DMD: variants seen among roughly 807,000 people sequenced by gnomAD.
The protein encoded by DMD is mutant dystrophin.
In DMD, 63 loss-of-function variants were observed where a neutral mutation model predicts 330.1. That is an observed-to-expected ratio of 0.19 (90% CI 0.16 to 0.24). The LOEUF is 0.24. Among genes scored for constraint, DMD ranks in the 10% least tolerant of loss-of-function variants. DMD has a pLI of 1.00. For missense variants in DMD, 3,344 were observed against 2,684.1 expected, an observed-to-expected ratio of 1.25 and a Z score of -5.43; for synonymous variants, 1,223 against 959.8, an observed-to-expected ratio of 1.27 and a Z score of -5.07.
At chrX:32,913,666 T>C (rs2087506758) in intron 2 of DMD, among the ~76,000 whole-genome samples, 1 of 110,785 alleles carries the variant, frequency 9.0e-6, no homozygotes, top group African/African-American at 3.3e-5. Context: ...TAATGGAGAG[T>C]CTCGGGCATG....
intron 4 of DMD, among the ~76,000 whole-genome samples, chrX:32,840,402 G>A (rs59148540): frequency 0.022 from 2,467 of 111,287 alleles, 71 homozygotes; most frequent in African/African-American, 0.076. Context: ...TATATGGCCC[G>A]TGGAGTTTCG....
chrX:32,100,374 GATATATATATATATATGTAT>G (rs1383956930), intron 44 of DMD, among the ~76,000 whole-genome samples: 1 of 101,157 alleles, frequency 9.9e-6, no homozygotes, highest in Non-Finnish European at 2.0e-5. Flanking sequence ...TATTTTCCCA[GATATATATATATATATGTAT>G]ATATATATAT....
At chrX:32,248,952 A>G (rs1384053401) in intron 43 of DMD, among the ~76,000 whole-genome samples, 1 of 111,488 alleles carries the variant, frequency 9.0e-6, no homozygotes, top group East Asian at 2.8e-4. Flanking sequence ...AAGACAGGAT[A>G]GAAAAGTACT....
At chrX:33,250,323 C>A (rs970119325) in intron 1 of DMD, among the ~76,000 whole-genome samples, 1 of 108,449 alleles carries the variant, frequency 9.2e-6, no homozygotes, top group Admixed American at 1.0e-4. Flanking sequence ...ATATAAGGAG[C>A]CTGCAACTTA....
chrX:31,820,112 A>T lies in DMD; in HGVS notation c.7201-29T>A, dbSNP rs1407364583. 3 of 1,085,421 alleles carry T rather than the reference A, an allele frequency of 2.8e-6. No individual in the cohort carries two copies. In the Admixed American group the frequency reaches 6.5e-5, roughly 24 times the overall value. 89.5% of individuals were successfully genotyped at this position (1,085,421 alleles called of 1,213,427 possible). ...TAACAGAAAAGCATACACATTACTTATTCGATTAACACTTTGAAGATAATT... is the reference window on the plus strand; with the variant it reads ...TAACAGAAAAGCATACACATTACTTTTTCGATTAACACTTTGAAGATAATT... On this transcript the variant is annotated intron_variant, in intron 49 of 78. Coordinates refer to ENST00000357033, the MANE Select transcript of DMD (RefSeq NM_004006.3).
intron 77 of DMD, 129 bp from the exon 78 acceptor site, chrX:31,126,802 G>T: frequency 2.0e-5 from 3 of 152,919 alleles, no homozygotes; most frequent in Non-Finnish European, 3.3e-5. Flanking sequence ...ATTCTCTGCT[G>T]GAAAAAAAAA....
intron 19 of DMD, among the ~76,000 whole-genome samples, chrX:32,498,471 C>T (rs1000852612): frequency 7.3e-5 from 8 of 109,516 alleles, no homozygotes; most frequent in African/African-American, 2.7e-4. Context: ...AGTCTATGAT[C>T]GTGAAAGATC....
At chrX:32,001,836 A>T (rs1161398926) in intron 44 of DMD, among the ~76,000 whole-genome samples, 2 of 111,653 alleles carry the variant, frequency 1.8e-5, no homozygotes, top group East Asian at 5.6e-4. Flanking sequence ...ATTGCACAAA[A>T]GTTGACAGTG....
chrX:31,300,129 C>T (rs919528987), intron 62 of DMD, among the ~76,000 whole-genome samples: 24 of 111,882 alleles, frequency 2.1e-4, no homozygotes, highest in Non-Finnish European at 3.0e-4. Context: ...AAGACTGCGT[C>T]GGTTGATTTT....
At chrX:32,765,993 G>A (rs943015770) in intron 7 of DMD, among the ~76,000 whole-genome samples, 2 of 111,565 alleles carry the variant, frequency 1.8e-5, no homozygotes, top group African/African-American at 6.5e-5. Context: ...CAACCTTATG[G>A]AAAATTGTTT....
At chrX:32,792,013 A>G (rs2075856777) in intron 7 of DMD, among the ~76,000 whole-genome samples, 2 of 111,981 alleles carry the variant, frequency 1.8e-5, no homozygotes, top group Non-Finnish European at 3.8e-5. Context: ...TCACTTATAA[A>G]GAAACCTCCA....
intron 59 of DMD, among the ~76,000 whole-genome samples, chrX:31,453,319 G>C (rs1007661702): frequency 9.0e-6 from 1 of 110,580 alleles, no homozygotes; most frequent in Non-Finnish European, 1.9e-5. Context: ...GCACCACCAC[G>C]CCCAGCTAAT....
intron 7 of DMD, among the ~76,000 whole-genome samples, chrX:32,795,328 C>A (rs946080597): frequency 2.7e-5 from 3 of 111,969 alleles, no homozygotes; most frequent in Non-Finnish European, 5.6e-5. Flanking sequence ...TATTTACATA[C>A]AACTTGTTTT....
chrX:31,563,196 C>T (rs2075293441), intron 55 of DMD, among the ~76,000 whole-genome samples: 1 of 111,211 alleles, frequency 9.0e-6, no homozygotes, highest in Admixed American at 9.6e-5. Context: ...TCCCAAGTAG[C>T]TGGGACTACA....
chrX:32,143,230 T>C (rs777966284), intron 44 of DMD, among the ~76,000 whole-genome samples: 1 of 111,961 alleles, frequency 8.9e-6, no homozygotes, highest in South Asian at 3.7e-4. Flanking sequence ...CTCCTCATGT[T>C]AATCTTTACC....
Position 31,910,527 on chromosome X carries a change from G to T in DMD, c.6912+19069C>A, listed in dbSNP as rs751181855. Among the ~76,000 whole-genome samples the T allele has an allele frequency of 2.7e-5, 3 of 112,241 alleles. No individual in the cohort carries two copies. The South Asian group carries it at 1.1e-3, about 41-fold the overall frequency. On this transcript the variant is annotated intron_variant, in intron 47 of 78. Transcript: ENST00000357033. ...ATTTCTCCTTGGACCGTCTAGTGCA[G>T]GCTTGGTGTAGATATAAAAAGAAAT...
intron 55 of DMD, among the ~76,000 whole-genome samples, chrX:31,615,342 T>C (rs994758040): frequency 5.4e-5 from 6 of 111,744 alleles, no homozygotes; most frequent in African/African-American, 1.9e-4. Flanking sequence ...TGGTATGCAT[T>C]TAAAACAACT....
At chrX:32,471,359 T>G (rs2040612805) in intron 22 of DMD, among the ~76,000 whole-genome samples, 1 of 112,168 alleles carries the variant, frequency 8.9e-6, no homozygotes, top group Non-Finnish European at 1.9e-5. Flanking sequence ...ATATCTTTCC[T>G]GATAGAAGGA....
intron 37 of DMD, among the ~76,000 whole-genome samples, chrX:32,360,828 A>AATAATAATAATAATAAATG (rs1330229041): frequency 9.2e-6 from 1 of 108,513 alleles, no homozygotes; most frequent in African/African-American, 3.3e-5. Context: ...TAATAATAAT[A>AATAATAATAATAATAAATG]AATGAATATT....
Sources: gnomAD v4.1 joint callset for allele counts (sites outside exome capture counted in the v4.1 genomes callset) on GRCh38, gnomAD v4.1.1 for gene constraint, MANE v1.5 for transcripts, NCBI Gene and HGNC (gene_info 2026-07-23, HGNC 2026-07-21) for gene names.